The following PAQR5 variants were observed in gnomAD, a reference collection of about 807,000 sequenced individuals.
PAQR5 encodes the protein progestin and adipoQ receptor family member 5.
In PAQR5, 20 loss-of-function variants were observed where a neutral mutation model predicts 34.5. The ratio of observed to expected loss-of-function variants is 0.58; its 90% CI spans 0.41 to 0.84. The LOEUF is 0.84. Among genes scored for constraint, PAQR5 ranks in the 40% least tolerant of loss-of-function variants. PAQR5 has a pLI of 0.00. For synonymous variants in PAQR5, 131 were observed against 155.6 expected (o/e 0.84, Z 1.18); for missense variants, 378 against 412.7 (o/e 0.92, Z 0.73).
At chr15:69,391,867 G>A (rs558293361) in intron 6 of PAQR5, 232 of 374,446 alleles carry the variant, frequency 6.2e-4, no homozygotes, top group Non-Finnish European at 9.3e-4. Flanking sequence ...GACCAGCCTG[G>A]CCAATGTGGT....
chr15:69,324,133 A>AAAG (rs1469512740), intron 1 of PAQR5, among the ~76,000 whole-genome samples: 4 of 131,760 alleles, frequency 3.0e-5, no homozygotes, highest in African/African-American at 1.3e-4. Context: ...CTAGGGCAAA[A>AAAG]AAAAAAAAAA....
intron 6 of PAQR5, among the ~76,000 whole-genome samples, chr15:69,394,464 G>A (rs1306209863): frequency 6.6e-6 from 1 of 152,182 alleles, no homozygotes; most frequent in Non-Finnish European, 1.5e-5. Flanking sequence ...ACACACACGT[G>A]CACTCGTGCG....
At chr15:69,402,100 T>C (rs961433553) in intron 8 of PAQR5, among the ~76,000 whole-genome samples, 1 of 152,178 alleles carries the variant, frequency 6.6e-6, no homozygotes, top group Non-Finnish European at 1.5e-5. Context: ...ATTAGTTTGC[T>C]AGGGCTGCCA....
intron 1 of PAQR5, among the ~76,000 whole-genome samples, chr15:69,322,156 T>C (rs2054111831): frequency 1.7e-5 from 2 of 115,578 alleles, no homozygotes; most frequent in African/African-American, 4.7e-5. Flanking sequence ...TGAGACCCCA[T>C]TTCTAAAAAA....
intron 5 of PAQR5, among the ~76,000 whole-genome samples, chr15:69,387,549 C>T (rs759724912): frequency 5.3e-5 from 8 of 152,236 alleles, no homozygotes; most frequent in Non-Finnish European, 8.8e-5. Flanking sequence ...GCCATTACCA[C>T]GATGATCTTG....
chr15:69,353,801 A>G (rs1370098407), intron 2 of PAQR5, among the ~76,000 whole-genome samples: 1 of 152,166 alleles, frequency 6.6e-6, no homozygotes, highest in Non-Finnish European at 1.5e-5. Context: ...TGCTGGTCTA[A>G]AGGTCTTAGT....
Position 69,378,618 on chromosome 15 carries a change from G to T in PAQR5, c.52-1265G>T, listed in dbSNP as rs151062849. Among the ~76,000 whole-genome samples the T allele has an allele frequency of 3.2e-4, 48 of 152,008 alleles. 1 individual carries two copies. In the East Asian group the frequency reaches 9.1e-3, roughly 29 times the overall value. ...CAGCCCTAGAAATTCAAAGGAGAGGGTTTGCAACTTATTGTGACCTGATTT... is the reference window on the plus strand; with the variant it reads ...CAGCCCTAGAAATTCAAAGGAGAGGTTTTGCAACTTATTGTGACCTGATTT... On this transcript the variant is annotated intron_variant, in intron 3 of 8. Transcript: ENST00000395407.
At chr15:69,347,553 G>T (rs941239881) in intron 2 of PAQR5, among the ~76,000 whole-genome samples, 2 of 152,092 alleles carry the variant, frequency 1.3e-5, no homozygotes, top group African/African-American at 4.8e-5. Flanking sequence ...TTAAAATAGG[G>T]ACAGAAGTGA....
At chr15:69,368,740 A>AATT (rs60567103) in intron 3 of PAQR5, among the ~76,000 whole-genome samples, 144,051 of 152,048 alleles carry the variant, frequency 0.95, 68,742 homozygotes, top group South Asian at 1. Flanking sequence ...TTTAAATTTC[A>AATT]ATTATTTTTT....
intron 3 of PAQR5, among the ~76,000 whole-genome samples, chr15:69,368,184 G>A (rs2055453627): frequency 7.4e-5 from 1 of 13,492 alleles, no homozygotes; most frequent in South Asian, 0.17. Flanking sequence ...CTCCTATATA[G>A]CTGGATTACG....
chr15:69,362,697 C>T (rs2140853236), intron 3 of PAQR5, among the ~76,000 whole-genome samples: 1 of 152,280 alleles, frequency 6.6e-6, no homozygotes, highest in East Asian at 1.9e-4. Context: ...AAGTGCCTGG[C>T]ACGTGGTGAA....
At chr15:69,350,548 C>G (rs145813472) in intron 2 of PAQR5, among the ~76,000 whole-genome samples, 1 of 152,062 alleles carries the variant, frequency 6.6e-6, no homozygotes, top group Non-Finnish European at 1.5e-5. Flanking sequence ...GAGGCTGAGG[C>G]GCAAGAATCG....
At chr15:69,304,221 A>T (rs186107052) in intron 1 of PAQR5, among the ~76,000 whole-genome samples, 2 of 152,224 alleles carry the variant, frequency 1.3e-5, no homozygotes, top group East Asian at 3.9e-4. Flanking sequence ...TGAGGCCCTG[A>T]CCTAAGACAG....
At chr15:69,348,602 G>T (rs2054832492) in intron 2 of PAQR5, among the ~76,000 whole-genome samples, 2 of 152,144 alleles carry the variant, frequency 1.3e-5, no homozygotes, top group African/African-American at 4.8e-5. Flanking sequence ...GTTAATTTTA[G>T]GTGTCAACTT....
At chr15:69,309,405 A>G (rs185402425) in intron 1 of PAQR5, among the ~76,000 whole-genome samples, 21 of 152,178 alleles carry the variant, frequency 1.4e-4, no homozygotes, top group African/African-American at 4.8e-4. Context: ...TTGAAGTGCT[A>G]TGAGGAGGAA....
At chr15:69,372,115 G>A (rs1341022129) in intron 3 of PAQR5, among the ~76,000 whole-genome samples, 1 of 152,166 alleles carries the variant, frequency 6.6e-6, no homozygotes, top group Non-Finnish European at 1.5e-5. Flanking sequence ...CTAATTGACA[G>A]CCTAATCAAT....
In PAQR5 at chr15:69,378,264, T is replaced by TAAAAA. The variant is rs71149912; in HGVS notation, c.52-1597_52-1593dup. ...TGGGCAACAAAATGAGACTCCATCT[T>TAAAAA]AAAAAAAAAAAAAAAAAAAAAAAAA... is the stretch of plus-strand genomic sequence containing the variant. On this transcript the variant is annotated intron_variant, in intron 3 of 8. Transcript: ENST00000395407. 1.0e-3 allele frequency among the ~76,000 whole-genome samples: 60 copies of TAAAAA among 59,690 alleles called. 5 individuals are homozygous for TAAAAA. The highest frequency in any genetic ancestry group is 4.8e-3 in the African/African-American group (57 of 11,862). 39.2% of individuals were successfully genotyped at this position (59,690 alleles called of 152,430 possible).
At chr15:69,367,036 T>A (rs754606574) in intron 3 of PAQR5, among the ~76,000 whole-genome samples, 11 of 152,196 alleles carry the variant, frequency 7.2e-5, no homozygotes, top group Non-Finnish European at 1.6e-4. Context: ...CTCCTTCCTT[T>A]GACTTTCAAT....
chr15:69,355,356 C>T (rs867769539), intron 2 of PAQR5, among the ~76,000 whole-genome samples: 9 of 31,696 alleles, frequency 2.8e-4, no homozygotes, highest in Middle Eastern at 0.014. Flanking sequence ...TTCTTTCTTT[C>T]TTTCTTTCTT....
Sources: allele counts gnomAD v4.1 joint callset (sites outside exome capture counted in the v4.1 genomes callset), GRCh38; gene constraint gnomAD v4.1.1; transcripts MANE v1.5; gene names NCBI Gene and HGNC (gene_info 2026-07-23, HGNC 2026-07-21).